The following PHACTR2 variants were observed in gnomAD, a reference collection of about 807,000 sequenced individuals.
PHACTR2 encodes phosphatase and actin regulator 2.
PHACTR2 carries 30 observed loss-of-function variants against 76.0 expected under a neutral mutation model. That is an observed-to-expected ratio of 0.39 (90% confidence interval 0.30 to 0.54). PHACTR2 has a LOEUF of 0.54. Among genes scored for constraint, PHACTR2 ranks in the 20% least tolerant of loss-of-function variants. The pLI is 0.61. For synonymous variants in PHACTR2, 292 were observed against 292.5 expected (o/e 1.00, Z 0.02); for missense variants, 696 against 781.1 (o/e 0.89, Z 1.30).
At chr6:143,735,621 G>GT (rs1297332340) in intron 2 of PHACTR2, among the ~76,000 whole-genome samples, 2 of 147,002 alleles carry the variant, frequency 1.4e-5, no homozygotes, top group Admixed American at 6.8e-5. Context: ...CCTCTGTAAT[G>GT]TTTTTTTAAA....
rs1779234405 is a variant in PHACTR2 at position 143,753,661 on chromosome 6, C to T, written c.296-93C>T. 1.3e-5 allele frequency: 11 copies of T among 851,948 alleles called. No individual in the cohort carries two copies. The highest frequency in any genetic ancestry group is 4.6e-4 in the Middle Eastern group (2 of 4,394). The allele number at this position is 851,948 out of a possible 1,614,324, so 52.8% of individuals were successfully genotyped here. A position where few individuals can be genotyped will look rare whatever the true frequency, so the allele number is the denominator to read the frequency against. On this transcript the variant is annotated intron_variant, in intron 3 of 12. Coordinates refer to ENST00000440869, the MANE Select transcript of PHACTR2 (RefSeq NM_001100164.2). The surrounding 1 kb of genome is among the most constrained non-coding windows in gnomAD (Gnocchi z 4.6). The stretch of plus-strand genomic sequence containing the variant: ...TGTATTTGGTTCCCAGGGACTGAAA[C>T]ATGAATCTAAATTTTACAATCCTAG...
At chr6:143,590,482 T>C (rs1162292572) in intron 1 of PHACTR2, among the ~76,000 whole-genome samples, 1 of 151,872 alleles carries the variant, frequency 6.6e-6, no homozygotes, top group Non-Finnish European at 1.5e-5. Flanking sequence ...GCATTTCACC[T>C]CCTCCATGCT....
chr6:143,744,011 C>G (rs1436776152), intron 2 of PHACTR2, among the ~76,000 whole-genome samples: 1 of 152,208 alleles, frequency 6.6e-6, no homozygotes, highest in Admixed American at 6.5e-5. Flanking sequence ...CCACAGCTAC[C>G]TCTCCATGCC....
chr6:143,617,804 C>T lies in PHACTR2; in HGVS notation c.13+9482C>T, dbSNP rs547214022. ...AGGCAATGTATCAGGATAGGAACAACGGAAACTGAAGCCAGACTTTCTATA... is the reference window on the plus strand; with the variant it reads ...AGGCAATGTATCAGGATAGGAACAATGGAAACTGAAGCCAGACTTTCTATA... On this transcript the variant is annotated intron_variant, in intron 1 of 11. Coordinates refer to the PHACTR2 transcript ENST00000305766. This position sits in a 1 kb window ranked among gnomAD's most constrained non-coding sequence, Gnocchi z 4.8. Among the ~76,000 whole-genome samples the T allele has an allele frequency of 2.4e-4, 36 of 152,278 alleles. No individual in the cohort carries two copies. Among genetic ancestry groups the T allele is most frequent in the East Asian group, 9.7e-4 (5 of 5,180 alleles).
rs1402410571 is a variant in PHACTR2, at chr6:143,637,371, A to G, written c.13+29049A>G. Among the ~76,000 whole-genome samples the G allele has an allele frequency of 2.0e-5, 3 of 152,174 alleles. No homozygotes were observed. In the East Asian group the frequency reaches 5.8e-4, roughly 29 times the overall value. ...GAAGGAAGGAAGGAAAAAAGGATGA[A>G]GGAAAGTAAAGAGCACAGGAAACGT... is the stretch of plus-strand genomic sequence containing the variant. On this transcript the variant is annotated intron_variant, in intron 1 of 11. Transcript: ENST00000305766.
chr6:143,542,281 C>T (rs1781177912), intron 1 of PHACTR2, among the ~76,000 whole-genome samples: 2 of 152,152 alleles, frequency 1.3e-5, no homozygotes, highest in Admixed American at 6.5e-5. Context: ...TTCTCATCTA[C>T]CCAGGAGCCT....
rs117371742 is a variant in PHACTR2 at position 143,579,577 on chromosome 6, C to A, written c.217+42370C>A. Reference sequence around the variant, plus strand: ...CTGTGATGAAAGAGCCCAAGGAACCCCCCCAATAAGGCACCATCTCAGAGA... The same window carrying A: ...CTGTGATGAAAGAGCCCAAGGAACCACCCCAATAAGGCACCATCTCAGAGA... On this transcript the variant is annotated intron_variant, in intron 1 of 11. Coordinates refer to the PHACTR2 transcript ENST00000367584. 1.8e-4 allele frequency among the ~76,000 whole-genome samples: 27 copies of A among 151,994 alleles called. No homozygotes were observed. The East Asian group carries it at 4.8e-3, about 27-fold the overall frequency.
At chr6:143,711,696 G>A (rs888347514) in intron 1 of PHACTR2, 5 of 516,260 alleles carry the variant, frequency 9.7e-6, no homozygotes, top group Non-Finnish European at 1.9e-5. Flanking sequence ...CTCTATTCCT[G>A]TACAAAATAT....
chr6:143,710,653 C>T lies in PHACTR2; in HGVS notation c.47-1363C>T, dbSNP rs1458226564. Among the ~76,000 whole-genome samples, 5 of 152,120 alleles carry T rather than the reference C, an allele frequency of 3.3e-5. No homozygotes were observed. The highest frequency in any genetic ancestry group is 1.9e-4 in the East Asian group (1 of 5,182). ...CGGTGGTTGCAGTGAGCTGAGATCG[C>T]GCCACTGCACTCCAGCCTGGGCGAC... On this transcript the variant is annotated intron_variant, in intron 1 of 12. Transcript: ENST00000440869. This position sits in a 1 kb window ranked among gnomAD's most constrained non-coding sequence, Gnocchi z 4.9.
rs1779421496 is a variant in PHACTR2, at chr6:143,760,691, T to G, written c.694+51T>G. The G allele has an allele frequency of 1.9e-6, 3 of 1,588,676 alleles. No individual in the cohort carries two copies. The South Asian group carries it at 3.4e-5, about 18-fold the overall frequency. On this transcript the variant is annotated intron_variant, in intron 5 of 12. Transcript: ENST00000440869. The surrounding 1 kb of genome is among the most constrained non-coding windows in gnomAD (Gnocchi z 6.4). ...GGGTCACTTCTAGGGTGCTTGGCTC[T>G]GGGATGGGGCTAATTGTTTCTTCTA...
chr6:143,692,848 C>T (rs1326170199), intron 1 of PHACTR2, among the ~76,000 whole-genome samples: 3 of 152,184 alleles, frequency 2.0e-5, no homozygotes, highest in Non-Finnish European at 2.9e-5. Flanking sequence ...CTAAGGCTGT[C>T]GTAACACCAT....
At position 143,591,552 on chromosome 6, in the gene PHACTR2, G is replaced by C. The variant is rs1775692607; in HGVS notation, c.217+54345G>C. On this transcript the variant is annotated intron_variant, in intron 1 of 11. Coordinates refer to the PHACTR2 transcript ENST00000367584. The surrounding 1 kb of genome is among the most constrained non-coding windows in gnomAD (Gnocchi z 6.4). ...AAGAGCAGCATGAACACAGCCCAGA[G>C]AGGCCGCAGACCTGAGGCTGCTGTG... Among the ~76,000 whole-genome samples the C allele has an allele frequency of 6.6e-6, 1 of 152,188 alleles. No individual in the cohort carries two copies. The highest frequency in any genetic ancestry group is 1.5e-5 in the Non-Finnish European group (1 of 68,032).
intron 1 of PHACTR2, among the ~76,000 whole-genome samples, chr6:143,705,670 C>T (rs1405866236): frequency 6.6e-6 from 1 of 152,166 alleles, no homozygotes; most frequent in African/African-American, 2.4e-5. Context: ...CCTGATGTTT[C>T]CCTTGTAGTT....
Position 143,689,103 on chromosome 6 carries a change from C to T in PHACTR2, c.46+10894C>T, listed in dbSNP as rs11155319. Among the ~76,000 whole-genome samples, 1 of 152,126 alleles carries T rather than the reference C, an allele frequency of 6.6e-6. No individual in the cohort carries two copies. Among genetic ancestry groups the T allele is most frequent in the Non-Finnish European group, 1.5e-5 (1 of 68,018 alleles). ...GCTGCACCCTGTTTGAGACACTCTT[C>T]CCTTCGCTCTTCGCCAAGCTGACTC... On this transcript the variant is annotated intron_variant, in intron 1 of 12. Coordinates refer to ENST00000440869, the MANE Select transcript of PHACTR2 (RefSeq NM_001100164.2). This position sits in a 1 kb window ranked among gnomAD's most constrained non-coding sequence, Gnocchi z 4.4.
At position 143,831,137 on chromosome 6, in the gene PHACTR2, T is replaced by C. The variant is rs1378961080; in HGVS notation, c.*7448T>C. ...CATTATTATATGTAAACATAAAAGA[T>C]AGTCCATTTAGAGTTTATAATATAG... On this transcript the variant is annotated 3_prime_UTR_variant, in exon 13 of 13. Transcript: ENST00000440869. This position sits in a 1 kb window ranked among gnomAD's most constrained non-coding sequence, Gnocchi z 5.2. 6.6e-6 allele frequency: 1 copy of C among 152,248 alleles called. No individual in the cohort carries two copies. Among genetic ancestry groups the C allele is most frequent in the Non-Finnish European group, 1.5e-5 (1 of 68,034 alleles). The allele number at this position is 152,248 out of a possible 1,614,324, so 9.4% of individuals were successfully genotyped here.
chr6:143,563,592 C>T (rs1439752324), intron 1 of PHACTR2, among the ~76,000 whole-genome samples: 2 of 148,820 alleles, frequency 1.3e-5, no homozygotes, highest in Non-Finnish European at 3.0e-5. Context: ...TGTGTTCTTT[C>T]TCTTGACATA....
intron 10 of PHACTR2, 67 bp from the exon 11 acceptor site, chr6:143,788,706 G>T: frequency 2.3e-6 from 3 of 1,327,652 alleles, no homozygotes; most frequent in Admixed American, 1.8e-5. Context: ...GTTCTCTATA[G>T]AAAACTTGCC....
rs149233652 is a variant in PHACTR2 at position 143,800,636 on chromosome 6, A to T, written c.1846-6421A>T. On this transcript the variant is annotated intron_variant, in intron 11 of 12. Coordinates refer to ENST00000440869, the MANE Select transcript of PHACTR2 (RefSeq NM_001100164.2). This position sits in a 1 kb window ranked among gnomAD's most constrained non-coding sequence, Gnocchi z 4.8. The stretch of plus-strand genomic sequence containing the variant: ...CTGAATACAGCACACTGATGGGTCT[A>T]GACTCTTTATCCAATTTGCCAATCT... 9.9e-3 allele frequency among the ~76,000 whole-genome samples: 1,506 copies of T among 152,290 alleles called. 25 individuals carry two copies. The highest frequency in any genetic ancestry group is 0.035 in the African/African-American group (1,440 of 41,554).
intron 3 of PHACTR2, among the ~76,000 whole-genome samples, chr6:143,752,249 T>C (rs977136799): frequency 1.3e-5 from 2 of 152,096 alleles, no homozygotes; most frequent in African/African-American, 4.8e-5. Flanking sequence ...AAAACAAAGA[T>C]AAATTTATAT....
Sources: allele counts gnomAD v4.1 joint callset (sites outside exome capture counted in the v4.1 genomes callset), GRCh38; gene constraint gnomAD v4.1.1; non-coding constraint Gnocchi (gnomAD v3.1); transcripts MANE v1.5; gene names NCBI Gene and HGNC (gene_info 2026-07-23, HGNC 2026-07-21).